The following COQ8A variants were observed in gnomAD, a reference collection of about 807,000 sequenced individuals.
COQ8A encodes atypical kinase COQ8A, mitochondrial.
In COQ8A, 51 loss-of-function variants were observed where a neutral mutation model predicts 65.0. The observed-to-expected ratio is 0.78, with a 90% CI of 0.63 to 0.99. The LOEUF (loss-of-function observed/expected upper bound fraction) is 0.99. Among genes scored for constraint, COQ8A ranks in the 50% least tolerant of loss-of-function variants. The pLI, the probability that COQ8A is intolerant of heterozygous loss-of-function variation, is 0.00. For synonymous variants in COQ8A, 371 were observed against 353.2 expected, an observed-to-expected ratio of 1.05 and a Z score of -0.57; for missense variants, 940 against 875.0, an observed-to-expected ratio of 1.07 and a Z score of -0.94.
In COQ8A at chr1:226,982,154, G is replaced by T; in HGVS notation, c.853+5G>T. The stretch of plus-strand genomic sequence containing the variant: ...GCCAGATGCTGAGCATCCAGGGTGA[G>T]TGGGCGCGGGGGCTGCTGCCCCGGG... On this transcript the variant is annotated splice_donor_5th_base_variant and intron_variant, in intron 6 of 14. Transcript: ENST00000366777. 1.3e-6 allele frequency: 2 copies of T among 1,577,012 alleles called. No individual in the cohort carries two copies. Among genetic ancestry groups the T allele is most frequent in the Non-Finnish European group, 1.7e-6 (2 of 1,161,688 alleles).
chr1:226,966,631 T>C (rs2148066653), intron 4 of COQ8A, among the ~76,000 whole-genome samples: 1 of 152,260 alleles, frequency 6.6e-6, no homozygotes, highest in Non-Finnish European at 1.5e-5. Context: ...GAGGTCTGAG[T>C]GGTCCATGAT....
intron 4 of COQ8A, among the ~76,000 whole-genome samples, chr1:226,967,269 G>A (rs1255998044): frequency 6.6e-6 from 1 of 152,170 alleles, no homozygotes; most frequent in African/African-American, 2.4e-5. Flanking sequence ...ATTGAATGGA[G>A]GCTGTCTTCT....
At chr1:226,960,434 T>TTGGTGGTGG (rs1658149257) in intron 1 of COQ8A, among the ~76,000 whole-genome samples, 8 of 52,346 alleles carry the variant, frequency 1.5e-4, no homozygotes, top group East Asian at 5.7e-4. Flanking sequence ...GTGGTGGTAC[T>TTGGTGGTGG]TGGTGGTACT....
chr1:226,956,565 T>C (rs34922163), intron 1 of COQ8A, among the ~76,000 whole-genome samples: 3,110 of 31,226 alleles, frequency 0.1, 257 homozygotes, highest in African/African-American at 0.15. Flanking sequence ...CTCTCCCTGG[T>C]TCACACTCTC....
At chr1:226,951,432 T>C (rs527956393) in intron 1 of COQ8A, among the ~76,000 whole-genome samples, 4 of 152,248 alleles carry the variant, frequency 2.6e-5, no homozygotes, top group African/African-American at 9.6e-5. Context: ...GCCTGTCCCT[T>C]CATGAGCAGT....
chr1:226,965,159 G>T lies in COQ8A; in HGVS notation c.337G>T (p.Glu113Ter), dbSNP rs765966679. ...APPSLGHAHS[E>*]GPAPAYVASG... ...CCCATCCCTGGGTCATGCCCACAGCGAGGGCCCAGCTCCTGCCTACGTGGC... is the reference window on the plus strand; with the variant it reads ...CCCATCCCTGGGTCATGCCCACAGCTAGGGCCCAGCTCCTGCCTACGTGGC... Residue 113 changes from glutamate (E) to a stop codon, truncating the protein, a stop_gained, in exon 3 of 15, where the codon GAG (glutamate) becomes TAG (stop). Coordinates refer to ENST00000366777, the MANE Select transcript of COQ8A (RefSeq NM_020247.5). LOFTEE classifies it high-confidence loss of function. 1 of 1,613,850 alleles carries T rather than the reference G, an allele frequency of 6.2e-7. No homozygotes were observed. The highest frequency in any genetic ancestry group is 8.5e-7 in the Non-Finnish European group (1 of 1,180,040).
Position 226,985,272 on chromosome 1 carries a change from G to C in COQ8A, c.1591G>C (p.Asp531His). 6.2e-7 allele frequency: 1 copy of C among 1,613,712 alleles called. No individual in the cohort carries two copies. Among genetic ancestry groups the C allele is most frequent in the Non-Finnish European group, 8.5e-7 (1 of 1,180,008 alleles). The change falls in exon 14 of 15, where the codon GAC becomes CAC. Residue 531 changes from aspartate to histidine, a missense_variant. Physicochemically the swap from Asp to His is moderately conservative, Grantham distance 81 (BLOSUM62 -1). Transcript: ENST00000366777. Reference protein sequence around the residue: ...LYIQIIRAAADRDRETVRAKS... With the variant: ...LYIQIIRAAAHRDRETVRAKS... Reference sequence around the variant, plus strand: ...TCCCCAGATCATCAGGGCTGCTGCCGACAGGGACAGGGAGACTGTGCGGGC... The same window carrying C: ...TCCCCAGATCATCAGGGCTGCTGCCCACAGGGACAGGGAGACTGTGCGGGC...
In COQ8A at chr1:226,949,528, G is replaced by A. The variant is rs939687317; in HGVS notation, c.-10+9129G>A. Among the ~76,000 whole-genome samples the A allele has an allele frequency of 3.9e-5, 6 of 152,068 alleles. No individual in the cohort carries two copies. The highest frequency in any genetic ancestry group is 8.8e-5 in the Non-Finnish European group (6 of 68,016). The stretch of plus-strand genomic sequence containing the variant: ...AGTGGACATTTGTGTCCCTGGTTTC[G>A]AAGCAGGCTGCCAGCACTTTGGACT... On this transcript the variant is annotated intron_variant, in intron 1 of 14. Transcript: ENST00000366777. The surrounding 1 kb of genome is among the most constrained non-coding windows in gnomAD (Gnocchi z 4.0).
At chr1:226,967,863 C>T (rs938463403) in intron 4 of COQ8A, among the ~76,000 whole-genome samples, 1 of 152,170 alleles carries the variant, frequency 6.6e-6, no homozygotes, top group Non-Finnish European at 1.5e-5. Flanking sequence ...GTTGCCCAAG[C>T]AATTGACAGA....
At chr1:226,961,294 T>C in intron 1 of COQ8A, 83 bp from the exon 2 acceptor site, 1 of 1,468,326 alleles carries the variant, frequency 6.8e-7, no homozygotes. Context: ...GACCTTCTGC[T>C]CAGAGTTTGG....
At chr1:226,979,845 G>A (rs2148118116) in intron 5 of COQ8A, among the ~76,000 whole-genome samples, 1 of 152,304 alleles carries the variant, frequency 6.6e-6, no homozygotes, top group South Asian at 2.1e-4. Context: ...GACACTCTCT[G>A]GGAAATGAAG....
At chr1:226,943,534 A>C (rs1656823615) in intron 1 of COQ8A, among the ~76,000 whole-genome samples, 1 of 152,226 alleles carries the variant, frequency 6.6e-6, no homozygotes, top group Non-Finnish European at 1.5e-5. Context: ...ATGGATTCAA[A>C]GAAATTTATG....
intron 1 of COQ8A, among the ~76,000 whole-genome samples, chr1:226,941,484 C>T (rs1039555336): frequency 1.3e-5 from 2 of 151,980 alleles, no homozygotes; most frequent in Non-Finnish European, 2.9e-5. Context: ...AAGACTCAGG[C>T]GGCTGGGTGC....
intron 5 of COQ8A, 34 bp downstream of exon 5, chr1:226,977,557 G>A: frequency 6.5e-7 from 1 of 1,546,092 alleles, no homozygotes; most frequent in Non-Finnish European, 8.7e-7. Context: ...GGGGCAGGGT[G>A]GGCCCCGGGA....
intron 5 of COQ8A, among the ~76,000 whole-genome samples, chr1:226,979,630 T>G (rs1265334842): frequency 6.6e-6 from 1 of 152,248 alleles, no homozygotes; most frequent in East Asian, 1.9e-4. Context: ...CTCACAGCCC[T>G]GTCTTCCAGC....
Position 226,984,138 on chromosome 1 carries a change from T to C in COQ8A, c.1301T>C (p.Val434Ala). ...GHPFFYVPEI[V>A]DELCSPHVLT... The stretch of plus-strand genomic sequence containing the variant: ...CCCTTCTTCTATGTGCCTGAGATTG[T>C]GGATGAGCTCTGCAGCCCACATGTG... Residue 434 changes from valine to alanine, a missense_variant, in exon 11 of 15, where the codon GTG becomes GCG. Val to Ala is a moderately conservative substitution (Grantham distance 64). Transcript: ENST00000366777. 6.2e-7 allele frequency: 1 copy of C among 1,613,756 alleles called. No homozygotes were observed. The highest frequency in any genetic ancestry group is 8.5e-7 in the Non-Finnish European group (1 of 1,179,974).
At position 226,984,984 on chromosome 1, in the gene COQ8A, G is replaced by A. The variant is rs751829101; in HGVS notation, c.1572+43G>A. Reference sequence around the variant, plus strand: ...CTGGCCTTGGTCCATGTTTTTCTGAGGCTGGGACAGGATGCTGGGGGACTC... The same window carrying A: ...CTGGCCTTGGTCCATGTTTTTCTGAAGCTGGGACAGGATGCTGGGGGACTC... On this transcript the variant is annotated intron_variant, in intron 13 of 14. Transcript: ENST00000366777. The A allele has an allele frequency of 6.2e-6, 10 of 1,607,274 alleles. No individual in the cohort carries two copies. In the African/African-American group the frequency reaches 9.4e-5, roughly 15 times the overall value.
rs373047574 is a variant in COQ8A at position 226,956,827 on chromosome 1, T to C, written c.-9-4550T>C. Among the ~76,000 whole-genome samples, 163 of 102,646 alleles carry C rather than the reference T, an allele frequency of 1.6e-3. 1 individual carries two copies. Among genetic ancestry groups the C allele is most frequent in the East Asian group, 5.1e-3 (14 of 2,766 alleles). 67.3% of individuals were successfully genotyped at this position (102,646 alleles called of 152,430 possible). A position where few individuals can be genotyped will look rare whatever the true frequency, so the allele number is the denominator to read the frequency against. On this transcript the variant is annotated intron_variant, in intron 1 of 14. Transcript: ENST00000366777. ...ACTCTCCCTGGCTGCCACTCCCTGGTTCACACTCTCCCTGGCTCTCACTCT... is the reference window on the plus strand; with the variant it reads ...ACTCTCCCTGGCTGCCACTCCCTGGCTCACACTCTCCCTGGCTCTCACTCT...
chr1:226,975,741 C>A (rs537833472), intron 4 of COQ8A, among the ~76,000 whole-genome samples: 1 of 152,174 alleles, frequency 6.6e-6, no homozygotes, highest in Middle Eastern at 3.2e-3. Flanking sequence ...GCTCTACTCA[C>A]GCCCGCACGA....
Sources: allele counts gnomAD v4.1 joint callset (sites outside exome capture counted in the v4.1 genomes callset), GRCh38; gene constraint gnomAD v4.1.1; non-coding constraint Gnocchi (gnomAD v3.1); transcripts MANE v1.5; gene names NCBI Gene and HGNC (gene_info 2026-07-23, HGNC 2026-07-21).